Variants in CNTFR observed in about 807,000 individuals in gnomAD.
CNTFR encodes ciliary neurotrophic factor receptor.
In CNTFR, 12 loss-of-function variants were observed where a neutral mutation model predicts 40.4. That is an observed-to-expected ratio of 0.30 (90% CI 0.19 to 0.48). The LOEUF is 0.48. Among genes scored for constraint, CNTFR ranks in the 20% least tolerant of loss-of-function variants. The probability of loss-of-function intolerance (pLI) is 0.99; values close to 1 mark genes in which losing one functional copy is unlikely to be tolerated. For missense variants in CNTFR, 414 were observed against 506.8 expected (o/e 0.82, Z 1.76); for synonymous variants, 202 against 209.6 (o/e 0.96, Z 0.31).
intron 2 of CNTFR, among the ~76,000 whole-genome samples, chr9:34,578,425 C>T (rs1827105386): frequency 6.6e-6 from 1 of 152,196 alleles, no homozygotes. Flanking sequence ...CCGGTCCCGG[C>T]CCCTCTCCAC....
In CNTFR at chr9:34,551,916, A is replaced by C; in HGVS notation, c.*155T>G. The C allele has an allele frequency of 1.4e-6, 1 of 709,850 alleles. No homozygotes were observed. The highest frequency in any genetic ancestry group is 2.7e-5 in the East Asian group (1 of 37,148). 44.0% of individuals were successfully genotyped at this position (709,850 alleles called of 1,614,324 possible). Reference sequence around the variant, plus strand: ...TGGTGCGGCAGGGCTGGGGGGCGGCAGGCCCGGGCCCGCCGGGGTCTCCAC... The same window carrying C: ...TGGTGCGGCAGGGCTGGGGGGCGGCCGGCCCGGGCCCGCCGGGGTCTCCAC... On this transcript the variant is annotated 3_prime_UTR_variant, in exon 10 of 10. Transcript: ENST00000378980.
At chr9:34,588,821 C>T (rs1483869118) in intron 1 of CNTFR, among the ~76,000 whole-genome samples, 1 of 152,078 alleles carries the variant, frequency 6.6e-6, no homozygotes, top group African/African-American at 2.4e-5. Flanking sequence ...CCCCCACGCA[C>T]GCGGAGATAC....
rs1827674566 is a variant in CNTFR, at chr9:34,589,190, C to A, written c.-112+365G>T. ...GCCCGAGAAAGAAGCCACCTTTGGG[C>A]GCGCAAAGGCCACTACGAACCTCCC... is the stretch of plus-strand genomic sequence containing the variant. On this transcript the variant is annotated intron_variant, in intron 1 of 9. Coordinates refer to ENST00000378980, the MANE Select transcript of CNTFR (RefSeq NM_147164.3). The surrounding 1 kb of genome is among the most constrained non-coding windows in gnomAD (Gnocchi z 4.4). 6.6e-6 allele frequency among the ~76,000 whole-genome samples: 1 copy of A among 152,070 alleles called. No homozygotes were observed. The highest frequency in any genetic ancestry group is 1.5e-5 in the Non-Finnish European group (1 of 68,004).
In CNTFR at chr9:34,557,099, T is replaced by TG. The variant is rs112591861; in HGVS notation, c.604+426dup. On this transcript the variant is annotated intron_variant, in intron 6 of 9. Coordinates refer to ENST00000378980, the MANE Select transcript of CNTFR (RefSeq NM_147164.3). This position sits in a 1 kb window ranked among gnomAD's most constrained non-coding sequence, Gnocchi z 4.2. ...GGGCAGGTAGAGGGTCTGGCTGGGA[T>TG]GGGGGGGGTCAGGGGGAGGGCAGTA... Among the ~76,000 whole-genome samples, 18,663 of 54,892 alleles carry TG rather than the reference T, an allele frequency of 0.34. 1,403 individuals carry two copies. Among genetic ancestry groups the TG allele is most frequent in the East Asian group, 0.46 (1,207 of 2,628 alleles). The allele number at this position is 54,892 out of a possible 152,430, so 36.0% of individuals were successfully genotyped here. A position where few individuals can be genotyped will look rare whatever the true frequency, so the allele number is the denominator to read the frequency against.
At chr9:34,586,882 C>T (rs973903589) in intron 1 of CNTFR, among the ~76,000 whole-genome samples, 1 of 152,210 alleles carries the variant, frequency 6.6e-6, no homozygotes, top group Non-Finnish European at 1.5e-5. Context: ...AGTCTCTGTT[C>T]TTCACTTCAA....
chr9:34,566,049 C>T (rs971457657), intron 3 of CNTFR, among the ~76,000 whole-genome samples: 6 of 152,068 alleles, frequency 3.9e-5, no homozygotes, highest in Admixed American at 2.0e-4. Context: ...TTCCTGTTAA[C>T]GAGCCAATTA....
intron 6 of CNTFR, 99 bp from the exon 7 acceptor site, chr9:34,556,517 T>C (rs1225819672): frequency 3.3e-6 from 4 of 1,207,900 alleles, no homozygotes; most frequent in East Asian, 4.8e-5. Flanking sequence ...TTGCCAACCA[T>C]TGTCATCAAC....
chr9:34,585,393 G>T (rs1338319338), intron 1 of CNTFR, among the ~76,000 whole-genome samples: 1 of 152,196 alleles, frequency 6.6e-6, no homozygotes, highest in Non-Finnish European at 1.5e-5. Context: ...CTAAGCCCAA[G>T]ACGGGCCCTC....
chr9:34,583,799 G>T (rs183533392), intron 1 of CNTFR, among the ~76,000 whole-genome samples: 1 of 152,028 alleles, frequency 6.6e-6, no homozygotes, highest in Non-Finnish European at 1.5e-5. Flanking sequence ...CCTTCTCTCC[G>T]GGCCTGGGCC....
intron 4 of CNTFR, among the ~76,000 whole-genome samples, chr9:34,559,745 C>T (rs1270177120): frequency 6.6e-6 from 1 of 152,044 alleles, no homozygotes; most frequent in Non-Finnish European, 1.5e-5. Flanking sequence ...CCACTCCCCG[C>T]TCCTGCCACC....
At chr9:34,554,577 G>C (rs763978131) in intron 7 of CNTFR, among the ~76,000 whole-genome samples, 88 of 152,316 alleles carry the variant, frequency 5.8e-4, no homozygotes, top group Non-Finnish European at 9.3e-4. Context: ...TGCTGGAGCA[G>C]ATGCCAGACA....
At chr9:34,583,215 G>A (rs1272147790) in intron 1 of CNTFR, among the ~76,000 whole-genome samples, 1 of 152,114 alleles carries the variant, frequency 6.6e-6, no homozygotes, top group Non-Finnish European at 1.5e-5. Flanking sequence ...CTCCCAATTT[G>A]AGGAGGGATA....
intron 4 of CNTFR, among the ~76,000 whole-genome samples, chr9:34,562,501 C>T (rs989735991): frequency 1.4e-4 from 21 of 152,360 alleles, no homozygotes; most frequent in Admixed American, 9.1e-4. Context: ...TTAAGCCCTA[C>T]TGGTGGGTCA....
Position 34,564,278 on chromosome 9 carries a change from G to A in CNTFR, c.319+321C>T, listed in dbSNP as rs577878543. ...CCTCCAGCTCAGATCCGTGACCTGA[G>A]GGTCTCTCCCCACTCATGTCCCAGG... is the stretch of plus-strand genomic sequence containing the variant. On this transcript the variant is annotated intron_variant, in intron 4 of 9. Coordinates refer to ENST00000378980, the MANE Select transcript of CNTFR (RefSeq NM_147164.3). 3.9e-5 allele frequency among the ~76,000 whole-genome samples: 6 copies of A among 152,284 alleles called. 1 individual carries two copies. In the South Asian group the frequency reaches 1.2e-3, roughly 32 times the overall value.
rs543750367 is a variant in CNTFR at position 34,589,662 on chromosome 9, G to C, written c.-219C>G. ...ACCGCCCGCCGGATCCCACCGCCGA[G>C]CCTCGCGCCGCGCCGGCTGGAGCCG... On this transcript the variant is annotated 5_prime_UTR_variant, in exon 1 of 10. Transcript: ENST00000378980. This position sits in a 1 kb window ranked among gnomAD's most constrained non-coding sequence, Gnocchi z 4.4. 3,550 of 155,576 alleles carry C rather than the reference G, an allele frequency of 0.023. 148 individuals carry two copies. The highest frequency in any genetic ancestry group is 0.082 in the African/African-American group (3,377 of 41,322). The allele number at this position is 155,576 out of a possible 1,614,324, so 9.6% of individuals were successfully genotyped here.
At chr9:34,576,674 C>T (rs1826980962) in intron 2 of CNTFR, among the ~76,000 whole-genome samples, 1 of 152,238 alleles carries the variant, frequency 6.6e-6, no homozygotes, top group South Asian at 2.1e-4. Flanking sequence ...AAGGGAGATC[C>T]ATTCCAGACA....
At position 34,551,798 on chromosome 9, in the gene CNTFR, A is replaced by C; in HGVS notation, c.*273T>G. The C allele has an allele frequency of 8.5e-6, 5 of 585,120 alleles. No individual in the cohort carries two copies. The highest frequency in any genetic ancestry group is 8.5e-5 in the East Asian group (3 of 35,242). The allele number at this position is 585,120 out of a possible 1,614,324, so 36.2% of individuals were successfully genotyped here. A position where few individuals can be genotyped will look rare whatever the true frequency, so the allele number is the denominator to read the frequency against. On this transcript the variant is annotated 3_prime_UTR_variant, in exon 10 of 10. Transcript: ENST00000378980. Reference sequence around the variant, plus strand: ...GGCTCCTGGGAGTCGCTGGCATTGGAGGGTCCAGCCCAAGGGGCCAGGGTG... The same window carrying C: ...GGCTCCTGGGAGTCGCTGGCATTGGCGGGTCCAGCCCAAGGGGCCAGGGTG...
chr9:34,552,749 C>T lies in CNTFR; in HGVS notation c.874G>A (p.Asp292Asn). 6.2e-7 allele frequency: 1 copy of T among 1,613,842 alleles called. No homozygotes were observed. The highest frequency in any genetic ancestry group is 8.5e-7 in the Non-Finnish European group (1 of 1,179,942). ...GTAGCGTGGGCGGCTACGCTCCAGT[C>T]ACTCCATGTCCCAATCTCATTGTCC... ...AKDNEIGTWS[D>N]WSVAAHATPW... Residue 292 changes from aspartate to asparagine, a missense_variant, in exon 8 of 10, where the codon GAC becomes AAC. Coordinates refer to ENST00000378980, the MANE Select transcript of CNTFR (RefSeq NM_147164.3). The surrounding 1 kb of genome is among the most constrained non-coding windows in gnomAD (Gnocchi z 5.1).
intron 2 of CNTFR, among the ~76,000 whole-genome samples, chr9:34,572,063 G>A (rs1037548768): frequency 1.2e-4 from 19 of 152,076 alleles, no homozygotes; most frequent in African/African-American, 4.3e-4. Flanking sequence ...TCAATGCAAT[G>A]TGAGGCAAGA....
Sources: gnomAD v4.1 joint callset for allele counts (sites outside exome capture counted in the v4.1 genomes callset) on GRCh38, gnomAD v4.1.1 for gene constraint, Gnocchi (gnomAD v3.1) non-coding constraint, MANE v1.5 for transcripts, NCBI Gene and HGNC (gene_info 2026-07-23, HGNC 2026-07-21) for gene names.